RECQL4: variants seen among roughly 807,000 people sequenced by gnomAD.
RECQL4 encodes the protein RecQ like helicase 4.
RECQL4 carries 158 observed loss-of-function variants against 128.6 expected under a neutral mutation model. That is an observed-to-expected ratio of 1.23 (90% CI 1.08 to 1.40). The LOEUF is 1.40. Among genes scored for constraint, RECQL4 ranks in the 40% most tolerant of loss-of-function variants. The pLI is 0.00. For synonymous variants in RECQL4, 996 were observed against 678.9 expected (o/e 1.47, Z -7.26); for missense variants, 2,293 against 1,649.8 (o/e 1.39, Z -6.75).
rs749833015 is a variant in RECQL4, at chr8:144,514,926, G to C, written c.1620+10C>G. 6.2e-7 allele frequency: 1 copy of C among 1,610,602 alleles called. No individual in the cohort carries two copies. The highest frequency in any genetic ancestry group is 8.5e-7 in the Non-Finnish European group (1 of 1,179,326). ...GCTGTGTACGTGTGCCCAGGGCCCT[G>C]TGTGCACACCTGGTCATCCATGAGT... On this transcript the variant is annotated intron_variant, in intron 9 of 20. Coordinates refer to ENST00000617875, the MANE Select transcript of RECQL4 (RefSeq NM_004260.4).
Position 144,511,802 on chromosome 8 carries a change from G to C in RECQL4, c.3394-13C>G. On this transcript the variant is annotated splice_polypyrimidine_tract_variant and intron_variant, in intron 19 of 20. Transcript: ENST00000617875. ...CCCAATCCTGGAGCTGTGTGGACAG[G>C]CACATCAGGCTTCCTCTGAGCTCCC... 6.2e-7 allele frequency: 1 copy of C among 1,612,044 alleles called. No individual in the cohort carries two copies. The highest frequency in any genetic ancestry group is 8.5e-7 in the Non-Finnish European group (1 of 1,179,478).
rs757988816 is a variant in RECQL4 at position 144,516,079 on chromosome 8, C to T, written c.1040G>A (p.Arg347His). ...CCGTACGTAATTGCCCCTGTCATGG[C>T]GGGCCAGCCGAGGGAAGATGTGCAG... ...APLHIFPRLA[R>H]HDRGNYVRLN... Residue 347 changes from arginine to histidine, a missense_variant, in exon 5 of 21, where the codon CGC becomes CAC. Transcript: ENST00000617875. 104 of 1,612,642 alleles carry T rather than the reference C, an allele frequency of 6.4e-5. No homozygotes were observed. The East Asian group carries it at 9.4e-4, about 15-fold the overall frequency.
At position 144,513,012 on chromosome 8, in the gene RECQL4, G is replaced by T. The variant is rs1054186954; in HGVS notation, c.2590C>A (p.Gln864Lys). 1 of 1,570,530 alleles carries T rather than the reference G, an allele frequency of 6.4e-7. No homozygotes were observed. Among genetic ancestry groups the T allele is most frequent in the Admixed American group, 1.9e-5 (1 of 53,280 alleles). The part of the protein sequence containing the change: ...TCTCTRPPSE[Q>K]EGAVGGERPV... ...CTCTCCCCACCCACGGCCCCTTCCT[G>T]CTCCGAGGGCGGCCTGGTGCAGGTG... Residue 864 changes from glutamine to lysine, a missense_variant, in exon 15 of 21, where the codon CAG becomes AAG. Coordinates refer to ENST00000617875, the MANE Select transcript of RECQL4 (RefSeq NM_004260.4).
chr8:144,511,408 C>T lies in RECQL4; in HGVS notation c.*23G>A, dbSNP rs201586678. Reference sequence around the variant, plus strand: ...AGCCTCTGACAACCCCAGCTCTACCCGACATCCCCCAATGCAGTGCAGTCA... The same window carrying T: ...AGCCTCTGACAACCCCAGCTCTACCTGACATCCCCCAATGCAGTGCAGTCA... On this transcript the variant is annotated 3_prime_UTR_variant, in exon 21 of 21. Coordinates refer to ENST00000617875, the MANE Select transcript of RECQL4 (RefSeq NM_004260.4). 2.1e-3 allele frequency: 3,317 copies of T among 1,606,298 alleles called. 6 individuals are homozygous for T. The highest frequency in any genetic ancestry group is 3.6e-3 in the Middle Eastern group (22 of 6,046).
At chr8:144,515,696 C>G in intron 6 of RECQL4, 68 bp downstream of exon 6, 1 of 1,570,302 alleles carries the variant, frequency 6.4e-7, no homozygotes, top group Non-Finnish European at 8.7e-7. Context: ...ACATAAGTGT[C>G]CCCCAAAAGA....
chr8:144,517,342 G>C, intron 3 of RECQL4, 72 bp downstream of exon 3: 1 of 1,480,492 alleles, frequency 6.8e-7, no homozygotes, highest in Non-Finnish European at 9.0e-7. Context: ...CGGCCTGGCC[G>C]CGACTCCGTG....
Position 144,511,769 on chromosome 8 carries a change from C to A in RECQL4, c.3414G>T (p.Gln1138His). Residue 1138 changes from glutamine to histidine, a missense_variant, in exon 20 of 21, where the codon CAG becomes CAT. Coordinates refer to ENST00000617875, the MANE Select transcript of RECQL4 (RefSeq NM_004260.4). The part of the protein sequence containing the change: ...GQARLQDWED[Q>H]VRCDIRQFLS... ...GGAACTGGCGGATGTCGCAGCGGACCTGGTCCTCCCAATCCTGGAGCTGTG... is the reference window on the plus strand; with the variant it reads ...GGAACTGGCGGATGTCGCAGCGGACATGGTCCTCCCAATCCTGGAGCTGTG... The A allele has an allele frequency of 6.2e-7, 1 of 1,612,614 alleles. No individual in the cohort carries two copies. The highest frequency in any genetic ancestry group is 2.2e-5 in the East Asian group (1 of 44,890).
In RECQL4 at chr8:144,513,430, G is replaced by T. The variant is rs750304658; in HGVS notation, c.2251C>A (p.Arg751=). Residue 751 remains arginine, a synonymous_variant, in exon 14 of 21, where the codon CGG becomes AGG. Coordinates refer to ENST00000617875, the MANE Select transcript of RECQL4 (RefSeq NM_004260.4). ...AEAYHAGMCS[R]ERRRVQRAFM... is the part of the protein sequence containing the mutation. ...GCTCGCTGTACCCGCCGCCGTTCCC[G>T]GCTGCACATGCCCGCGTGGTAGGCC... 3 of 1,609,668 alleles carry T rather than the reference G, an allele frequency of 1.9e-6. No homozygotes were observed. In the South Asian group the frequency reaches 3.3e-5, roughly 18 times the overall value.
At chr8:144,515,518 A>C (rs2130709739) in intron 6 of RECQL4, 61 bp from the exon 7 acceptor site, 1 of 1,608,820 alleles carries the variant, frequency 6.2e-7, no homozygotes, top group African/African-American at 1.3e-5. Flanking sequence ...ACCACTGGCC[A>C]CAACCTCTCC....
chr8:144,517,218 AG>A lies in RECQL4; in HGVS notation c.214-29del, dbSNP rs1348355983. ...GCAGGAGACAACAGGGGCACAGGCCAGAAAAGGCTGTTGTGGCGGCAGAAGC... is the reference window on the plus strand; with the variant it reads ...GCAGGAGACAACAGGGGCACAGGCCAAAAAGGCTGTTGTGGCGGCAGAAGC... On this transcript the variant is annotated intron_variant, in intron 3 of 20. Transcript: ENST00000617875. The A allele has an allele frequency of 7.0e-6, 11 of 1,574,860 alleles. No homozygotes were observed. The Admixed American group carries it at 2.0e-4, about 29-fold the overall frequency.
chr8:144,516,256 C>T lies in RECQL4; in HGVS notation c.863G>A (p.Gly288Glu), dbSNP rs980430542. 1 of 1,612,550 alleles carries T rather than the reference C, an allele frequency of 6.2e-7. No individual in the cohort carries two copies. Among genetic ancestry groups the T allele is most frequent in the South Asian group, 1.1e-5 (1 of 91,066 alleles). Reference sequence around the variant, plus strand: ...TTCCTCAACTGCTACAGCCCCAGCCCCCTCCGATGGGGGTCCAGCTTGGCT... The same window carrying T: ...TTCCTCAACTGCTACAGCCCCAGCCTCCTCCGATGGGGGTCCAGCTTGGCT... The part of the protein sequence containing the change: ...ESSQAGPPSE[G>E]AGAVAVEEDP... The change falls in exon 5 of 21, where the codon GGG becomes GAG. Residue 288 changes from glycine (G) to glutamate (E), a missense_variant. Physicochemically the swap from Gly to Glu is moderately conservative, Grantham distance 98. Coordinates refer to ENST00000617875, the MANE Select transcript of RECQL4 (RefSeq NM_004260.4).
rs763993982 is a variant in RECQL4, at chr8:144,515,035, G to A, written c.1521C>T (p.Gly507=). Residue 507 remains glycine, a synonymous_variant, in exon 9 of 21, where the codon GGC becomes GGT. Transcript: ENST00000617875. ...CTGGGAGCTGGTAGCACAGGGACTT[G>A]CCGGCACCTGTAGGCAGCACCAGCA... is the stretch of plus-strand genomic sequence containing the variant. The part of the protein sequence containing the change: ...STLLVLPTGA[G]KSLCYQLPAL... 2.5e-6 allele frequency: 4 copies of A among 1,609,976 alleles called. No individual in the cohort carries two copies. Among genetic ancestry groups the A allele is most frequent in the East Asian group, 2.2e-5 (1 of 44,810 alleles).
chr8:144,517,779 C>T lies in RECQL4; in HGVS notation c.6G>A (p.Glu2=). ...GCCGCTCCCGCACGTCCCGCAGCCG[C>T]TCCATGGCGCGCGCGCCCGCCCGGC... The part of the protein sequence containing the change: M[E]RLRDVRERLQ... Residue 2 remains glutamate, a synonymous_variant, in exon 1 of 21, where the codon GAG becomes GAA. Coordinates refer to ENST00000617875, the MANE Select transcript of RECQL4 (RefSeq NM_004260.4). 8.1e-7 allele frequency: 1 copy of T among 1,239,056 alleles called. No homozygotes were observed. Among genetic ancestry groups the T allele is most frequent in the Admixed American group, 3.8e-5 (1 of 26,152 alleles). 76.8% of individuals were successfully genotyped at this position (1,239,056 alleles called of 1,614,324 possible).
chr8:144,517,325 C>T lies in RECQL4; in HGVS notation c.213+89G>A, dbSNP rs557079520. ...CCAGTCCCCCTCCCAAGTTCTGTGCCCCACGGCGGCCTGGCCGCGACTCCG... is the reference window on the plus strand; with the variant it reads ...CCAGTCCCCCTCCCAAGTTCTGTGCTCCACGGCGGCCTGGCCGCGACTCCG... On this transcript the variant is annotated intron_variant, in intron 3 of 20. Transcript: ENST00000617875. 6.7e-5 allele frequency: 99 copies of T among 1,477,678 alleles called. No homozygotes were observed. In the East Asian group the frequency reaches 2.3e-3, roughly 35 times the overall value. The allele number at this position is 1,477,678 out of a possible 1,614,324, so 91.5% of individuals were successfully genotyped here.
chr8:144,516,428 C>T lies in RECQL4; in HGVS notation c.691G>A (p.Gly231Ser), dbSNP rs1001434106. 2 of 1,609,268 alleles carry T rather than the reference C, an allele frequency of 1.2e-6. No individual in the cohort carries two copies. Among genetic ancestry groups the T allele is most frequent in the Non-Finnish European group, 8.5e-7 (1 of 1,179,746 alleles). ...IPGESAVLGP[G>S]AGSQGPEASA... ...GCCTCTGGGCCCTGGGAGCCAGCAC[C>T]AGGACCAAGGACAGCCGACTCACCA... Residue 231 changes from glycine to serine, a missense_variant, in exon 5 of 21, where the codon GGT (glycine) becomes AGT (serine). Coordinates refer to ENST00000617875, the MANE Select transcript of RECQL4 (RefSeq NM_004260.4).
At chr8:144,514,890 G>A (rs1175038184) in intron 9 of RECQL4, 46 bp downstream of exon 9, 4 of 1,600,658 alleles carry the variant, frequency 2.5e-6, no homozygotes, top group Non-Finnish European at 1.7e-6. Flanking sequence ...AGTCACAAGT[G>A]CTGGTTCTTG....
chr8:144,515,271 C>G (rs757613423), intron 7 of RECQL4, 29 bp from the exon 8 acceptor site: 1 of 1,608,616 alleles, frequency 6.2e-7, no homozygotes, highest in Non-Finnish European at 8.5e-7. Context: ...ATCACCATGA[C>G]TTGAGTCACC....
At position 144,512,892 on chromosome 8, in the gene RECQL4, G is replaced by C; in HGVS notation, c.2710C>G (p.Leu904Val). The change falls in exon 15 of 21, where the codon CTC becomes GTC. Residue 904 changes from leucine (L) to valine (V), a missense_variant. Transcript: ENST00000617875. ...RRVCMGHERALPIQLTVQALD... is the reference protein window; with the variant it reads ...RRVCMGHERAVPIQLTVQALD... ...GCCTGTACGGTAAGCTGTATTGGGA[G>C]TGCCCGCTCATGGCCCATGCAGACC... 1 of 1,593,698 alleles carries C rather than the reference G, an allele frequency of 6.3e-7. No individual in the cohort carries two copies. The highest frequency in any genetic ancestry group is 8.5e-7 in the Non-Finnish European group (1 of 1,170,268).
In RECQL4 at chr8:144,516,167, T is replaced by C. The variant is rs2130719127; in HGVS notation, c.952A>G (p.Arg318Gly). Residue 318 changes from arginine to glycine, a missense_variant, in exon 5 of 21, where the codon AGG becomes GGG. Physicochemically the swap from Arg to Gly is moderately radical, Grantham distance 125. Coordinates refer to ENST00000617875, the MANE Select transcript of RECQL4 (RefSeq NM_004260.4). ...PQPCSSPSNP[R>G]YHGLSPSSQA... ...CTGGAGGGGCTGAGTCCGTGGTACCTGGGGTTCGATGGGCTGCTGCAGGGC... is the reference window on the plus strand; with the variant it reads ...CTGGAGGGGCTGAGTCCGTGGTACCCGGGGTTCGATGGGCTGCTGCAGGGC... 1 of 1,613,444 alleles carries C rather than the reference T, an allele frequency of 6.2e-7. No individual in the cohort carries two copies. The highest frequency in any genetic ancestry group is 1.1e-5 in the South Asian group (1 of 91,090).
Sources: allele counts gnomAD v4.1 joint callset, GRCh38; gene constraint gnomAD v4.1.1; transcripts MANE v1.5; gene names NCBI Gene and HGNC (gene_info 2026-07-23, HGNC 2026-07-21).